RPS27A: variants seen among roughly 807,000 people sequenced by gnomAD.
RPS27A encodes the protein ribosomal protein S27a, also known as ubiquitin-ribosomal protein eS31 fusion protein.
Under a neutral mutation model 18.9 loss-of-function variants are expected in RPS27A, and 1 was observed. The ratio of observed to expected loss-of-function variants is 0.05; its 90% CI spans 0.02 to 0.25. RPS27A has a LOEUF of 0.25. Among genes scored for constraint, RPS27A ranks in the 10% least tolerant of loss-of-function variants. The pLI is 1.00. For synonymous variants in RPS27A, 77 were observed against 63.7 expected, an observed-to-expected ratio of 1.21 and a Z score of -0.99; for missense variants, 123 against 187.4, an observed-to-expected ratio of 0.66 and a Z score of 2.01.
At chr2:55,233,943 A>C in intron 3 of RPS27A, 176 bp from the exon 4 acceptor site, 1 of 665,502 alleles carries the variant, frequency 1.5e-6, no homozygotes, top group Non-Finnish European at 2.8e-6. Flanking sequence ...TATTGTCCCT[A>C]ATATTAAATG....
chr2:55,232,903 G>A (rs1675550926), intron 2 of RPS27A, 31 bp downstream of exon 2: 2 of 1,587,712 alleles, frequency 1.3e-6, no homozygotes, highest in African/African-American at 2.7e-5. Flanking sequence ...AGGAAGCCAA[G>A]GTCCGAATAA....
intron 5 of RPS27A, 60 bp from the exon 6 acceptor site, chr2:55,235,368 T>A: frequency 6.3e-7 from 1 of 1,590,030 alleles, no homozygotes; most frequent in Non-Finnish European, 8.6e-7. Flanking sequence ...TTTGAGTCAC[T>A]TAAATTAGAC....
chr2:55,234,231 T>G, intron 4 of RPS27A, 27 bp downstream of exon 4: 1 of 1,494,696 alleles, frequency 6.7e-7, no homozygotes, highest in Non-Finnish European at 9.3e-7. Context: ...AGCAGCCTCT[T>G]TTAAAAAAAA....
At position 55,235,800 on chromosome 2, in the gene RPS27A, A is replaced by AC; in HGVS notation, c.*223_*224insC. 3.4e-6 allele frequency: 2 copies of AC among 591,602 alleles called. No homozygotes were observed. The highest frequency in any genetic ancestry group is 6.0e-6 in the Non-Finnish European group (2 of 332,772). The allele number at this position is 591,602 out of a possible 1,614,324, so 36.6% of individuals were successfully genotyped here. A position where few individuals can be genotyped will look rare whatever the true frequency, so the allele number is the denominator to read the frequency against. ...AAAGGTCTTGATATTTTCAATTCTT[A>AC]GACTACCTATACTTTGGCAGAAGTT... On this transcript the variant is annotated 3_prime_UTR_variant, in exon 6 of 6. Transcript: ENST00000272317.
chr2:55,234,340 C>T, intron 4 of RPS27A, 136 bp downstream of exon 4: 1 of 697,740 alleles, frequency 1.4e-6, no homozygotes, highest in South Asian at 1.6e-5. Flanking sequence ...CAACCTCCAC[C>T]TCTCAGACTC....
intron 2 of RPS27A, 133 bp from the exon 3 acceptor site, chr2:55,233,230 G>A (rs1675583179): frequency 3.7e-6 from 3 of 800,496 alleles, no homozygotes; most frequent in Non-Finnish European, 6.5e-6. Context: ...GTTGCCCACT[G>A]GGTGGGTAAT....
chr2:55,233,071 C>T (rs1048438761), intron 2 of RPS27A, 199 bp downstream of exon 2: 20 of 664,752 alleles, frequency 3.0e-5, no homozygotes, highest in Admixed American at 1.4e-4. Flanking sequence ...TGTCTCCTCT[C>T]GAGGGGTTCC....
intron 2 of RPS27A, 186 bp from the exon 3 acceptor site, chr2:55,233,177 G>A (rs1044631943): frequency 1.5e-6 from 1 of 688,110 alleles, no homozygotes; most frequent in Non-Finnish European, 2.6e-6. Context: ...CGCCCGCTCT[G>A]GGCTGGGGAG....
chr2:55,234,457 C>T (rs558347495), intron 4 of RPS27A: 15 of 567,516 alleles, frequency 2.6e-5, no homozygotes, highest in Non-Finnish European at 4.4e-5. Flanking sequence ...CCACCGTGGC[C>T]TCCCAGCGCT....
At chr2:55,234,510 A>G in intron 4 of RPS27A, 2 of 545,186 alleles carry the variant, frequency 3.7e-6, no homozygotes, top group East Asian at 6.5e-5. Context: ...TATTCTGGAC[A>G]TTTTGACACA....
rs1439971883 is a variant in RPS27A, at chr2:55,232,694, G to C, written c.-32G>C. 1 of 842,378 alleles carries C rather than the reference G, an allele frequency of 1.2e-6. No homozygotes were observed. 52.2% of individuals were successfully genotyped at this position (842,378 alleles called of 1,614,324 possible). On this transcript the variant is annotated 5_prime_UTR_variant, in exon 1 of 6. Transcript: ENST00000272317. The stretch of plus-strand genomic sequence containing the variant: ...GGCCTGCGCGGCGTTCTTCCTTTTC[G>C]ATCCGCCATCTGCGGTGGGTGTCTG...
Position 55,235,523 on chromosome 2 carries a change from T to C in RPS27A, c.417T>C (p.His139=), listed in dbSNP as rs1675743442. ...TTATGGCAAGTCACTTTGACAGACA[T>C]TATTGTGGCAAATGTTGTCTGACTT... ...GVFMASHFDR[H]YCGKCCLTYC... Residue 139 remains histidine, a synonymous_variant, in exon 6 of 6, where the codon CAT becomes CAC. Coordinates refer to ENST00000272317, the MANE Select transcript of RPS27A (RefSeq NM_002954.6). 6.2e-7 allele frequency: 1 copy of C among 1,609,414 alleles called. No individual in the cohort carries two copies. Among genetic ancestry groups the C allele is most frequent in the Non-Finnish European group, 8.5e-7 (1 of 1,179,992 alleles).
At chr2:55,233,924 A>G in intron 3 of RPS27A, 195 bp from the exon 4 acceptor site, 1 of 633,992 alleles carries the variant, frequency 1.6e-6, no homozygotes, top group South Asian at 1.8e-5. Context: ...GCCACTGCAG[A>G]CAACCAAGTA....
At chr2:55,234,521 C>G in intron 4 of RPS27A, 2 of 544,776 alleles carry the variant, frequency 3.7e-6, no homozygotes, top group Non-Finnish European at 6.6e-6. Context: ...TTTTGACACA[C>G]AAAAAGGGAA....
At chr2:55,235,059 C>T (rs2104225960) in intron 5 of RPS27A, 97 bp downstream of exon 5, 1 of 1,320,064 alleles carries the variant, frequency 7.6e-7, no homozygotes, top group Non-Finnish European at 1.1e-6. Flanking sequence ...GACTTAAACA[C>T]CCAATATTAT....
At position 55,235,681 on chromosome 2, in the gene RPS27A, T is replaced by C; in HGVS notation, c.*104T>C. The C allele has an allele frequency of 1.6e-6, 2 of 1,285,994 alleles. No homozygotes were observed. The highest frequency in any genetic ancestry group is 2.2e-6 in the Non-Finnish European group (2 of 898,494). 79.7% of individuals were successfully genotyped at this position (1,285,994 alleles called of 1,614,324 possible). ...CAAATTGATGGTCACACCATTTCCT[T>C]TTAGTAGTGCTACTGCTATCGCTGT... is the stretch of plus-strand genomic sequence containing the variant. On this transcript the variant is annotated 3_prime_UTR_variant, in exon 6 of 6. Transcript: ENST00000272317.
chr2:55,235,060 C>T, intron 5 of RPS27A, 98 bp downstream of exon 5: 1 of 1,276,312 alleles, frequency 7.8e-7, no homozygotes, highest in Non-Finnish European at 1.1e-6. Flanking sequence ...ACTTAAACAC[C>T]CAATATTATC....
intron 4 of RPS27A, 160 bp downstream of exon 4, chr2:55,234,364 A>G: frequency 4.6e-6 from 3 of 654,468 alleles, no homozygotes; most frequent in Non-Finnish European, 8.3e-6. Context: ...TGGTCCTCCC[A>G]CCTCAGCCTC....
chr2:55,232,274 A>G, upstream of RPS27A: 1 of 196,644 alleles, frequency 5.1e-6, no homozygotes, highest in Non-Finnish European at 1.1e-5. Context: ...CAGTGCTTAG[A>G]GATAGTAACT....
Sources: gnomAD v4.1 joint callset for allele counts on GRCh38, gnomAD v4.1.1 for gene constraint, MANE v1.5 for transcripts, NCBI Gene and HGNC (gene_info 2026-07-23, HGNC 2026-07-21) for gene names.